The following NOL10 variants were observed in gnomAD, a reference collection of about 807,000 sequenced individuals.
The protein encoded by NOL10 is nucleolar protein 10.
Under a neutral mutation model 103.5 loss-of-function variants are expected in NOL10, and 58 were observed. That is an observed-to-expected ratio of 0.56 (90% CI 0.45 to 0.70). The LOEUF (loss-of-function observed/expected upper bound fraction) is 0.70. NOL10 is among the 30% of genes least tolerant of loss of function. The probability of loss-of-function intolerance (pLI) is 0.00; values close to 1 mark genes in which losing one functional copy is unlikely to be tolerated. For synonymous variants in NOL10, 287 were observed against 282.5 expected (o/e 1.02, Z -0.16); for missense variants, 763 against 807.3 (o/e 0.95, Z 0.67).
chr2:10,632,245 C>G (rs13424648), intron 13 of NOL10, among the ~76,000 whole-genome samples: 43,739 of 152,070 alleles, frequency 0.29, 6,912 homozygotes, highest in Non-Finnish European at 0.36. Flanking sequence ...GACGCCCCTG[C>G]ATTCATGTCT....
intron 6 of NOL10, among the ~76,000 whole-genome samples, chr2:10,669,007 A>G (rs1680735014): frequency 6.6e-6 from 1 of 152,198 alleles, no homozygotes; most frequent in Non-Finnish European, 1.5e-5. Flanking sequence ...TAATGTATCT[A>G]CATATGTATA....
intron 10 of NOL10, among the ~76,000 whole-genome samples, 173 bp from the exon 11 acceptor site, chr2:10,658,064 A>C (rs1679962433): frequency 6.6e-6 from 1 of 152,234 alleles, no homozygotes; most frequent in East Asian, 1.9e-4. Flanking sequence ...CTCTTAAATA[A>C]TCCTTAGAGT....
At chr2:10,683,878 C>T (rs1681956258) in intron 2 of NOL10, among the ~76,000 whole-genome samples, 1 of 152,112 alleles carries the variant, frequency 6.6e-6, no homozygotes, top group African/African-American at 2.4e-5. Flanking sequence ...CTTGCGTCTA[C>T]TATTGTTATC....
intron 13 of NOL10, among the ~76,000 whole-genome samples, chr2:10,619,684 G>A (rs1677019963): frequency 6.6e-6 from 1 of 151,998 alleles, no homozygotes; most frequent in East Asian, 1.9e-4. Context: ...AATTCTCAAG[G>A]AAGAAAAAGA....
intron 13 of NOL10, among the ~76,000 whole-genome samples, chr2:10,637,808 C>T (rs1017656811): frequency 4.6e-5 from 7 of 152,136 alleles, no homozygotes; most frequent in African/African-American, 1.7e-4. Context: ...GACGCAGAAG[C>T]ACTAGTGCAA....
At chr2:10,609,674 CGA>C (rs1320300543) in intron 13 of NOL10, among the ~76,000 whole-genome samples, 1 of 152,076 alleles carries the variant, frequency 6.6e-6, no homozygotes, top group Non-Finnish European at 1.5e-5. Context: ...CTTCTGAAGC[CGA>C]GAGAGTTGAG....
chr2:10,682,469 G>A (rs896698556), intron 2 of NOL10, among the ~76,000 whole-genome samples: 11 of 148,434 alleles, frequency 7.4e-5, no homozygotes, highest in African/African-American at 5.0e-5. Context: ...GCACAATCAT[G>A]GCTCACTGCA....
intron 3 of NOL10, among the ~76,000 whole-genome samples, chr2:10,678,929 TA>T (rs1305635710): frequency 6.6e-6 from 1 of 152,102 alleles, no homozygotes; most frequent in Non-Finnish European, 1.5e-5. Flanking sequence ...AAAATCAAAT[TA>T]AATTTAAGAT....
chr2:10,662,179 G>A (rs1002761633), intron 9 of NOL10, among the ~76,000 whole-genome samples: 5 of 152,182 alleles, frequency 3.3e-5, no homozygotes, highest in African/African-American at 1.2e-4. Flanking sequence ...AGTGCCTACA[G>A]CAAAGGGCTG....
At chr2:10,637,239 C>T (rs1678323358) in intron 13 of NOL10, among the ~76,000 whole-genome samples, 1 of 131,040 alleles carries the variant, frequency 7.6e-6, no homozygotes, top group Non-Finnish European at 1.7e-5. Flanking sequence ...AAACCAAAAA[C>T]CCTTACAGAA....
In NOL10 at chr2:10,589,093, T is replaced by C; in HGVS notation, c.1794A>G (p.Gly598=). The C allele has an allele frequency of 6.2e-7, 1 of 1,614,024 alleles. No individual in the cohort carries two copies. The highest frequency in any genetic ancestry group is 2.2e-5 in the East Asian group (1 of 44,886). Residue 598 remains glycine, a synonymous_variant, in exon 19 of 21, where the codon GGA becomes GGG. Coordinates refer to ENST00000381685, the MANE Select transcript of NOL10 (RefSeq NM_024894.4). ...LKPQFYEIKA[G]EEFRSFKDSA... is the part of the protein sequence containing the mutation. ...AATCTTTGAAGCTTCTAAATTCTTC[T>C]CCTGCTTTGATCTCATAAAACTGGG...
chr2:10,594,955 C>T (rs1675591607), intron 17 of NOL10, among the ~76,000 whole-genome samples: 1 of 152,094 alleles, frequency 6.6e-6, no homozygotes, highest in African/African-American at 2.4e-5. Context: ...TATGATTCTG[C>T]CACTGTACTC....
intron 12 of NOL10, among the ~76,000 whole-genome samples, chr2:10,651,219 T>C (rs1053904426): frequency 6.6e-6 from 1 of 152,166 alleles, no homozygotes; most frequent in African/African-American, 2.4e-5. Context: ...TTTGGGCTTC[T>C]ATATCCTTGG....
intron 12 of NOL10, among the ~76,000 whole-genome samples, chr2:10,648,451 T>C (rs977275383): frequency 3.3e-5 from 5 of 152,210 alleles, no homozygotes; most frequent in Non-Finnish European, 7.3e-5. Flanking sequence ...GCCTGCTCTC[T>C]TATGAAATAA....
intron 7 of NOL10, 27 bp downstream of exon 7, chr2:10,668,631 T>C (rs199895766): frequency 1.3e-4 from 158 of 1,181,276 alleles, no homozygotes; most frequent in Non-Finnish European, 1.7e-4. Flanking sequence ...TCAAAATGTA[T>C]ATAGCAGAAT....
intron 2 of NOL10, among the ~76,000 whole-genome samples, chr2:10,683,840 A>G (rs114367133): frequency 6.6e-6 from 1 of 152,300 alleles, no homozygotes; most frequent in Non-Finnish European, 1.5e-5. Flanking sequence ...GCTGTGAGTA[A>G]TAACATCTGC....
rs543920810 is a variant in NOL10, at chr2:10,660,391, C to T, written c.678-1141G>A. Among the ~76,000 whole-genome samples, 7 of 152,266 alleles carry T rather than the reference C, an allele frequency of 4.6e-5. No individual in the cohort carries two copies. The East Asian group carries it at 1.4e-3, about 29-fold the overall frequency. On this transcript the variant is annotated intron_variant, in intron 9 of 20. Transcript: ENST00000381685. ...GGAGTGCAGTGGCATGATCTCAGCT[C>T]TCTGCAACCTCCACCTTCCGGTTCA...
chr2:10,652,662 T>A (rs1478049748), intron 12 of NOL10, among the ~76,000 whole-genome samples: 1 of 152,108 alleles, frequency 6.6e-6, no homozygotes, highest in Non-Finnish European at 1.5e-5. Context: ...AGCTGGCTCC[T>A]CCCCCTCATT....
chr2:10,581,134 G>A (rs1042175191), intron 19 of NOL10, among the ~76,000 whole-genome samples: 4 of 152,138 alleles, frequency 2.6e-5, no homozygotes, highest in Non-Finnish European at 4.4e-5. Context: ...AGGCAACCAC[G>A]AAATCTGATG....
Sources: gnomAD v4.1 joint callset for allele counts (sites outside exome capture counted in the v4.1 genomes callset) on GRCh38, gnomAD v4.1.1 for gene constraint, MANE v1.5 for transcripts, NCBI Gene and HGNC (gene_info 2026-07-23, HGNC 2026-07-21) for gene names.